Variants in FRMD4A observed in about 807,000 individuals in gnomAD.
FRMD4A encodes the protein FERM domain containing 4A, also known as FERM domain-containing protein 4A.
A neutral mutation model predicts 129.1 loss-of-function variants in FRMD4A; 29 were observed. The ratio of observed to expected loss-of-function variants is 0.22; its 90% confidence interval spans 0.17 to 0.31. The LOEUF (loss-of-function observed/expected upper bound fraction) is 0.31. FRMD4A is among the 10% of genes least tolerant of loss of function. The pLI, the probability that FRMD4A is intolerant of heterozygous loss-of-function variation, is 1.00. For missense variants in FRMD4A, 1,272 were observed against 1,375.8 expected (o/e 0.92, Z 1.19); for synonymous variants, 634 against 571.6 (o/e 1.11, Z -1.56).
chr10:14,172,622 A>G (rs1039534133), intron 2 of FRMD4A, among the ~76,000 whole-genome samples: 1 of 152,222 alleles, frequency 6.6e-6, no homozygotes, highest in Non-Finnish European at 1.5e-5. Context: ...TGGTCAAATG[A>G]ACAGATTACG....
At chr10:13,930,740 G>A (rs1214957603) in intron 2 of FRMD4A, among the ~76,000 whole-genome samples, 1 of 152,084 alleles carries the variant, frequency 6.6e-6, no homozygotes, top group Non-Finnish European at 1.5e-5. Context: ...GAATAAAAAG[G>A]CAAAAGAGCC....
At chr10:13,787,846 C>T (rs1348050138) in intron 5 of FRMD4A, among the ~76,000 whole-genome samples, 8 of 149,272 alleles carry the variant, frequency 5.4e-5, no homozygotes, top group East Asian at 2.0e-4. Flanking sequence ...CTTTGGGAGG[C>T]CGAGGCAGGC....
intron 3 of FRMD4A, among the ~76,000 whole-genome samples, chr10:13,854,892 C>T (rs943664615): frequency 1.3e-5 from 2 of 152,170 alleles, no homozygotes; most frequent in African/African-American, 4.8e-5. Flanking sequence ...GCTGAATGCT[C>T]ACGTCACCTT....
At chr10:14,279,672 T>G (rs1845455258) in intron 2 of FRMD4A, among the ~76,000 whole-genome samples, 1 of 152,178 alleles carries the variant, frequency 6.6e-6, no homozygotes, top group South Asian at 2.1e-4. Flanking sequence ...TTCTGAACAT[T>G]AAGGGAAAGT....
chr10:14,045,015 A>G (rs1339440355), intron 2 of FRMD4A, among the ~76,000 whole-genome samples: 1 of 151,450 alleles, frequency 6.6e-6, no homozygotes, highest in East Asian at 2.0e-4. Context: ...TAATCTTCCC[A>G]CCTCAGCCTC....
chr10:14,283,937 T>A (rs1378801758), intron 2 of FRMD4A, among the ~76,000 whole-genome samples: 1 of 152,218 alleles, frequency 6.6e-6, no homozygotes, highest in Non-Finnish European at 1.5e-5. Flanking sequence ...GTGCCAATAT[T>A]ACTGTCAATT....
At chr10:14,084,995 G>A (rs1298066791) in intron 2 of FRMD4A, among the ~76,000 whole-genome samples, 1 of 152,140 alleles carries the variant, frequency 6.6e-6, no homozygotes, top group African/African-American at 2.4e-5. Flanking sequence ...ATGATCCCCT[G>A]ATCTGTTGAC....
intron 2 of FRMD4A, among the ~76,000 whole-genome samples, chr10:13,982,124 C>G (rs1025099683): frequency 6.6e-6 from 1 of 152,054 alleles, no homozygotes; most frequent in Admixed American, 6.6e-5. Flanking sequence ...CCAAAGCCAG[C>G]CATAAAACCT....
At chr10:13,818,997 T>G (rs909706275) in intron 3 of FRMD4A, among the ~76,000 whole-genome samples, 1 of 151,908 alleles carries the variant, frequency 6.6e-6, no homozygotes, top group South Asian at 2.1e-4. Context: ...GCGTGGTGGC[T>G]CATGCCTGTA....
At chr10:14,030,859 T>G (rs1376436674) in intron 2 of FRMD4A, among the ~76,000 whole-genome samples, 1 of 152,170 alleles carries the variant, frequency 6.6e-6, no homozygotes, top group African/African-American at 2.4e-5. Flanking sequence ...GCCTCTCCAA[T>G]GAGTACAAAG....
intron 15 of FRMD4A, chr10:13,693,654 G>T: frequency 1.5e-6 from 1 of 647,794 alleles, no homozygotes; most frequent in Non-Finnish European, 2.6e-6. Context: ...GTGACCAGCA[G>T]GCCTTCTTGC....
At chr10:13,726,052 C>T (rs1454591551) in intron 12 of FRMD4A, among the ~76,000 whole-genome samples, 2 of 152,166 alleles carry the variant, frequency 1.3e-5, no homozygotes, top group African/African-American at 4.8e-5. Context: ...CGCCAAAATT[C>T]TTTGGTCAAG....
At position 13,707,240 on chromosome 10, in the gene FRMD4A, T is replaced by G. The variant is rs917125567; in HGVS notation, c.760-127A>C. On this transcript the variant is annotated intron_variant, in intron 12 of 24. Transcript: ENST00000357447. ...CAAAACAGAGACCGTAGTCTGTGCC[T>G]CCTCCGCCTCTTGCTTGACACACAC... The G allele has an allele frequency of 9.2e-6, 7 of 762,562 alleles. No individual in the cohort carries two copies. In the South Asian group the frequency reaches 1.1e-4, roughly 12 times the overall value. The allele number at this position is 762,562 out of a possible 1,614,324, so 47.2% of individuals were successfully genotyped here. A position where few individuals can be genotyped will look rare whatever the true frequency, so the allele number is the denominator to read the frequency against.
chr10:14,203,576 C>T (rs894904434), intron 2 of FRMD4A, among the ~76,000 whole-genome samples: 35 of 152,228 alleles, frequency 2.3e-4, no homozygotes, highest in African/African-American at 7.7e-4. Context: ...GACATTAACT[C>T]GGCTAAATTT....
At chr10:14,209,935 G>C (rs116136326) in intron 2 of FRMD4A, among the ~76,000 whole-genome samples, 86 of 152,224 alleles carry the variant, frequency 5.6e-4, no homozygotes, top group African/African-American at 1.8e-3. Flanking sequence ...GCCATGTGAA[G>C]ATGGAAGCAG....
intron 2 of FRMD4A, among the ~76,000 whole-genome samples, chr10:14,232,994 A>C (rs948012934): frequency 6.6e-6 from 1 of 152,214 alleles, no homozygotes; most frequent in African/African-American, 2.4e-5. Context: ...GGAAAAAAAA[A>C]TACAGACTTT....
intron 6 of FRMD4A, among the ~76,000 whole-genome samples, chr10:13,771,646 A>C (rs2092456859): frequency 6.6e-6 from 1 of 152,176 alleles, no homozygotes; most frequent in Non-Finnish European, 1.5e-5. Context: ...TGCTGGTACC[A>C]ACTTCTCCTC....
chr10:13,757,510 G>A (rs2091913711), intron 8 of FRMD4A, among the ~76,000 whole-genome samples: 1 of 152,124 alleles, frequency 6.6e-6, no homozygotes, highest in African/African-American at 2.4e-5. Context: ...CTCTCAGCAC[G>A]CTAAACCTGA....
chr10:14,019,534 G>C (rs1029273917), intron 2 of FRMD4A, among the ~76,000 whole-genome samples: 1 of 152,158 alleles, frequency 6.6e-6, no homozygotes. Flanking sequence ...TGTTTATAGG[G>C]AAAGAGACTC....
Sources: allele counts gnomAD v4.1 joint callset (sites outside exome capture counted in the v4.1 genomes callset), GRCh38; gene constraint gnomAD v4.1.1; transcripts MANE v1.5; gene names NCBI Gene and HGNC (gene_info 2026-07-23, HGNC 2026-07-21).